The following MIGA2 variants were observed in gnomAD, a reference collection of about 807,000 sequenced individuals.
MIGA2 encodes the protein family with sequence similarity 73, member B.
In MIGA2, 36 loss-of-function variants were observed where a neutral mutation model predicts 69.9. That is an observed-to-expected ratio of 0.52 (90% CI 0.39 to 0.68). MIGA2 has a LOEUF of 0.68. MIGA2 is among the 30% of genes least tolerant of loss of function. MIGA2 has a pLI of 0.00. For missense variants in MIGA2, 660 were observed against 787.7 expected, an observed-to-expected ratio of 0.84 and a Z score of 1.94; for synonymous variants, 333 against 349.2, an observed-to-expected ratio of 0.95 and a Z score of 0.52.
At position 129,063,572 on chromosome 9, in the gene MIGA2, C is replaced by A; in HGVS notation, c.1111C>A (p.Leu371Ile). Residue 371 changes from leucine to isoleucine, a missense_variant, in exon 11 of 16, where the codon CTT becomes ATT. Leu to Ile is a conservative substitution (Grantham distance 5). Around this residue, in one of 3 missense-constraint regions of MIGA2, gnomAD observed 386 missense variants for 402.0 expected, o/e 0.96. Transcript: ENST00000684074. ...EGLLEDKSNQ[L>I]FFGKVGRQMV... ...GCTTCTGGAAGACAAGAGTAACCAG[C>A]TTTTCTTCGGGAAAGTGGGCCGACA... 6.8e-7 allele frequency: 1 copy of A among 1,467,102 alleles called. No homozygotes were observed. The highest frequency in any genetic ancestry group is 9.2e-7 in the Non-Finnish European group (1 of 1,091,740). The allele number at this position is 1,467,102 out of a possible 1,614,324, so 90.9% of individuals were successfully genotyped here.
chr9:129,049,617 C>T (rs1383818554), intron 5 of MIGA2, 119 bp downstream of exon 5: 5 of 1,248,060 alleles, frequency 4.0e-6, no homozygotes, highest in Non-Finnish European at 5.7e-6. Context: ...CAAATCCCAA[C>T]TGGGTGATTT....
At position 129,061,490 on chromosome 9, in the gene MIGA2, G is replaced by C; in HGVS notation, c.1010+144G>C. 5 of 685,042 alleles carry C rather than the reference G, an allele frequency of 7.3e-6. No individual in the cohort carries two copies. Among genetic ancestry groups the C allele is most frequent in the African/African-American group, 1.8e-5 (1 of 56,194 alleles). 42.4% of individuals were successfully genotyped at this position (685,042 alleles called of 1,614,324 possible). On this transcript the variant is annotated intron_variant, in intron 9 of 15. Coordinates refer to ENST00000684074, the MANE Select transcript of MIGA2 (RefSeq NM_001329990.2). The surrounding 1 kb of genome is among the most constrained non-coding windows in gnomAD (Gnocchi z 5.0). ...TGCCTGAGGGCCGTGGTGAGCTGGT[G>C]ACAGCTCCTCCCCCAGCTGCAGAGG...
intron 3 of MIGA2, among the ~76,000 whole-genome samples, chr9:129,043,960 A>G (rs1043339527): frequency 6.6e-5 from 10 of 151,216 alleles, no homozygotes; most frequent in African/African-American, 2.4e-4. Context: ...TCGGCCTCCC[A>G]AAGTGCTGGG....
intron 6 of MIGA2, among the ~76,000 whole-genome samples, chr9:129,058,421 G>T (rs1172543715): frequency 1.4e-5 from 2 of 145,612 alleles, no homozygotes; most frequent in African/African-American, 5.0e-5. Flanking sequence ...AAAAAAAAAA[G>T]TTTTTTATGT....
At chr9:129,056,570 G>C (rs1045404087) in intron 6 of MIGA2, among the ~76,000 whole-genome samples, 2 of 150,558 alleles carry the variant, frequency 1.3e-5, no homozygotes, top group Non-Finnish European at 1.5e-5. Context: ...CCAGGCTGAA[G>C]TGCAGTGGCA....
chr9:129,041,562 T>G (rs1471525864), intron 2 of MIGA2, among the ~76,000 whole-genome samples: 1 of 152,214 alleles, frequency 6.6e-6, no homozygotes, highest in African/African-American at 2.4e-5. Flanking sequence ...CTTGAACTCT[T>G]GGGCTCAAGC....
In MIGA2 at chr9:129,042,421, A is replaced by C; in HGVS notation, c.214A>C (p.Lys72Gln). Residue 72 changes from lysine (K) to glutamine (Q), a missense_variant, in exon 3 of 16, where the codon AAG becomes CAG. Lys to Gln is a moderately conservative substitution (Grantham distance 53). Around this residue, in one of 3 missense-constraint regions of MIGA2, gnomAD observed 386 missense variants for 402.0 expected, o/e 0.96. Transcript: ENST00000684074. ...CCAGCTGAAGAGGCGACGGAGGAGG[A>C]AGAAGCAGGTTGGTCCCGAGATGGG... ...AHQLKRRRRR[K>Q]KQVGPEMGGE... 1 of 1,613,472 alleles carries C rather than the reference A, an allele frequency of 6.2e-7. No homozygotes were observed. The highest frequency in any genetic ancestry group is 1.3e-5 in the African/African-American group (1 of 75,036).
chr9:129,067,647 G>C, intron 11 of MIGA2, 126 bp from the exon 12 acceptor site: 1 of 807,614 alleles, frequency 1.2e-6, no homozygotes, highest in South Asian at 1.7e-5. Context: ...TCTCTGCCAC[G>C]TTTTCTCTGT....
In MIGA2 at chr9:129,049,841, G is replaced by C. The variant is rs778261129; in HGVS notation, c.553G>C (p.Glu185Gln). ...CCTGTGCTCAGGCATGGAGCTGTTT[G>C]AGGAAGCTCTGCAGAAGTGGGAGCA... ...SLYMQGMELF[E>Q]EALQKWEQAL... Residue 185 changes from glutamate to glutamine, a missense_variant, in exon 6 of 16, where the codon GAG becomes CAG. Coordinates refer to ENST00000684074, the MANE Select transcript of MIGA2 (RefSeq NM_001329990.2). 9 of 1,614,006 alleles carry C rather than the reference G, an allele frequency of 5.6e-6. No individual in the cohort carries two copies. The highest frequency in any genetic ancestry group is 1.6e-4 in the Middle Eastern group (1 of 6,084).
chr9:129,039,175 T>TTGTGTGTGTGTG lies in MIGA2; in HGVS notation c.-143-1243_-143-1232dup, dbSNP rs61426484. 1.2e-4 allele frequency among the ~76,000 whole-genome samples: 17 copies of TTGTGTGTGTGTG among 139,902 alleles called. 1 individual carries two copies. Among genetic ancestry groups the TTGTGTGTGTGTG allele is most frequent in the South Asian group, 2.4e-4 (1 of 4,220 alleles). The allele number at this position is 139,902 out of a possible 152,430, so 91.8% of individuals were successfully genotyped here. A position where few individuals can be genotyped will look rare whatever the true frequency, so the allele number is the denominator to read the frequency against. On this transcript the variant is annotated intron_variant, in intron 1 of 15. Transcript: ENST00000684074. ...TACGTAGCGTGGAGTAGCTCTTTGT[T>TTGTGTGTGTGTG]TGTGTGTGTGTGTGTGTGTGTGTGT...
intron 6 of MIGA2, among the ~76,000 whole-genome samples, chr9:129,055,277 C>G (rs938723223): frequency 2.0e-5 from 3 of 151,752 alleles, no homozygotes; most frequent in African/African-American, 7.3e-5. Flanking sequence ...GGGGTTTCTG[C>G]GTGTTGGCTA....
intron 4 of MIGA2, among the ~76,000 whole-genome samples, 193 bp from the exon 5 acceptor site, chr9:129,049,188 A>G (rs576487255): frequency 5.6e-4 from 86 of 152,246 alleles, no homozygotes; most frequent in Middle Eastern, 3.4e-3. Flanking sequence ...GCTTCTTTCT[A>G]TGAAGCACCA....
rs1258206816 is a variant in MIGA2 at position 129,059,728 on chromosome 9, G to A, written c.793+457G>A. Among the ~76,000 whole-genome samples, 1 of 152,178 alleles carries A rather than the reference G, an allele frequency of 6.6e-6. No homozygotes were observed. Among genetic ancestry groups the A allele is most frequent in the Non-Finnish European group, 1.5e-5 (1 of 68,032 alleles). On this transcript the variant is annotated intron_variant, in intron 7 of 15. Transcript: ENST00000684074. This position sits in a 1 kb window ranked among gnomAD's most constrained non-coding sequence, Gnocchi z 5.6. ...TGAAATGATGTGACATACTGAGGGG[G>A]AACCAAGTTATTCTGCCAAACAGCC...
At position 129,048,525 on chromosome 9, in the gene MIGA2, C is replaced by T; in HGVS notation, c.406C>T (p.His136Tyr). The T allele has an allele frequency of 1.2e-6, 2 of 1,613,936 alleles. No homozygotes were observed. The highest frequency in any genetic ancestry group is 1.7e-6 in the Non-Finnish European group (2 of 1,179,834). The change falls in exon 4 of 16, where the codon CAC becomes TAC. Residue 136 changes from histidine (H) to tyrosine (Y), a missense_variant. Coordinates refer to ENST00000684074, the MANE Select transcript of MIGA2 (RefSeq NM_001329990.2). ...GCCCAGCAAGCACTCGGGCTCCTCC[C>T]ACAGTGTGGCCTCGGTGAGCAGCAG... is the stretch of plus-strand genomic sequence containing the variant. Reference protein sequence around the residue: ...IEPSKHSGSSHSVASMMAVNS... With the variant: ...IEPSKHSGSSYSVASMMAVNS...
intron 11 of MIGA2, among the ~76,000 whole-genome samples, chr9:129,064,369 G>T (rs1417790859): frequency 2.6e-5 from 4 of 151,974 alleles, no homozygotes; most frequent in Non-Finnish European, 5.9e-5. Flanking sequence ...ACCGTGCCCG[G>T]CTAATTTTTT....
chr9:129,042,868 T>G (rs1279923232), intron 3 of MIGA2, among the ~76,000 whole-genome samples: 2 of 152,170 alleles, frequency 1.3e-5, no homozygotes. Context: ...TCTTGAATGA[T>G]GCAGTATTCC....
At chr9:129,063,423 C>T in intron 10 of MIGA2, 107 bp downstream of exon 10, 2 of 1,544,754 alleles carry the variant, frequency 1.3e-6, no homozygotes, top group Non-Finnish European at 1.8e-6. Flanking sequence ...CAGGCCTGCT[C>T]CCACACTGGG....
At position 129,068,564 on chromosome 9, in the gene MIGA2, G is replaced by A; in HGVS notation, c.1404+232G>A. 1 of 545,120 alleles carries A rather than the reference G, an allele frequency of 1.8e-6. No individual in the cohort carries two copies. The highest frequency in any genetic ancestry group is 3.1e-5 in the East Asian group (1 of 32,738). 33.8% of individuals were successfully genotyped at this position (545,120 alleles called of 1,614,324 possible). ...ACATGGTGTGCGCTTTCTTCCTATTGTGTGGTTTTACTTTTGTGCTGGTAT... is the reference window on the plus strand; with the variant it reads ...ACATGGTGTGCGCTTTCTTCCTATTATGTGGTTTTACTTTTGTGCTGGTAT... On this transcript the variant is annotated intron_variant, in intron 13 of 15. Transcript: ENST00000684074. The surrounding 1 kb of genome is among the most constrained non-coding windows in gnomAD (Gnocchi z 4.1).
intron 3 of MIGA2, among the ~76,000 whole-genome samples, chr9:129,044,357 C>A (rs1022632764): frequency 6.6e-6 from 1 of 151,874 alleles, no homozygotes; most frequent in African/African-American, 2.4e-5. Context: ...AAAAAAAGAA[C>A]TGTTCTATCG....
Sources: gnomAD v4.1 joint callset for allele counts (sites outside exome capture counted in the v4.1 genomes callset) on GRCh38, gnomAD v4.1.1 for gene constraint, gnomAD v4.1.1 regional missense constraint, Gnocchi (gnomAD v3.1) non-coding constraint, MANE v1.5 for transcripts, NCBI Gene and HGNC (gene_info 2026-07-23, HGNC 2026-07-21) for gene names.